The following PKNOX2 variants were observed in gnomAD, a reference collection of about 807,000 sequenced individuals.
PKNOX2 encodes PBX/knotted 1 homeobox 2, also known as homeobox protein PKNOX2.
In PKNOX2, 14 loss-of-function variants were observed where a neutral mutation model predicts 53.1. That is an observed-to-expected ratio of 0.26 (90% CI 0.17 to 0.41). The LOEUF is 0.41. Ranked by LOEUF, PKNOX2 falls within the 10% of genes least tolerant of loss-of-function variation. The probability of loss-of-function intolerance (pLI) is 1.00; values close to 1 mark genes in which losing one functional copy is unlikely to be tolerated. For missense variants in PKNOX2, 496 were observed against 602.8 expected (o/e 0.82, Z 1.85); for synonymous variants, 257 against 242.8 (o/e 1.06, Z -0.54).
At position 125,206,087 on chromosome 11, in the gene PKNOX2, A is replaced by T. The variant is rs559853906; in HGVS notation, c.-200-28958A>T. ...ATGGAGCTCAGCTCAGTGCATATTT[A>T]TGGGGCACTCACTGTGTTCCAGGCA... On this transcript the variant is annotated intron_variant, in intron 1 of 12. Transcript: ENST00000298282. 1.7e-3 allele frequency among the ~76,000 whole-genome samples: 263 copies of T among 152,042 alleles called. 3 individuals carry two copies. The highest frequency in any genetic ancestry group is 0.012 in the South Asian group (59 of 4,792).
intron 5 of PKNOX2, among the ~76,000 whole-genome samples, chr11:125,384,885 T>A (rs1184617346): frequency 1.3e-5 from 2 of 151,876 alleles, no homozygotes; most frequent in Admixed American, 6.6e-5. Flanking sequence ...TCAGGTAGAG[T>A]CTCAGAGGGA....
intron 2 of PKNOX2, among the ~76,000 whole-genome samples, chr11:125,274,170 T>G (rs12798228): frequency 0.012 from 1,893 of 152,348 alleles, 27 homozygotes; most frequent in Non-Finnish European, 0.02. Flanking sequence ...TAAGGCTTAT[T>G]ATTATCCTAC....
chr11:125,259,179 T>G (rs1240136580), intron 2 of PKNOX2: 1 of 153,126 alleles, frequency 6.5e-6, no homozygotes, highest in African/African-American at 2.4e-5. Context: ...TTCTTCAAAA[T>G]CCTAGGGTCT....
intron 4 of PKNOX2, among the ~76,000 whole-genome samples, chr11:125,362,740 C>T (rs1453292040): frequency 6.6e-6 from 1 of 152,130 alleles, no homozygotes; most frequent in Non-Finnish European, 1.5e-5. Flanking sequence ...AAAGATGGTG[C>T]TTAACAGAAA....
Position 125,430,577 on chromosome 11 carries a change from G to A in PKNOX2, c.1192+436G>A, listed in dbSNP as rs76418322. On this transcript the variant is annotated intron_variant, in intron 12 of 12. Transcript: ENST00000298282. ...ATATACACTTTTCTAATTGCCAGTC[G>A]CCTAGTGCACAATGAATAATTCAAT... Among the ~76,000 whole-genome samples the A allele has an allele frequency of 6.6e-3, 1,005 of 152,224 alleles. 14 individuals are homozygous for A. The highest frequency in any genetic ancestry group is 0.022 in the African/African-American group (922 of 41,528).
intron 2 of PKNOX2, among the ~76,000 whole-genome samples, chr11:125,302,159 G>T (rs1408899938): frequency 1.3e-5 from 2 of 152,194 alleles, no homozygotes; most frequent in Admixed American, 1.3e-4. Flanking sequence ...ATCTGGGTGG[G>T]GCCTGGAAGG....
At chr11:125,213,011 A>G (rs1940053128) in intron 1 of PKNOX2, among the ~76,000 whole-genome samples, 1 of 151,764 alleles carries the variant, frequency 6.6e-6, no homozygotes, top group Non-Finnish European at 1.5e-5. Flanking sequence ...AAATAGGACA[A>G]TTTTCCCTGA....
chr11:125,222,710 T>C (rs1941313532), intron 1 of PKNOX2, among the ~76,000 whole-genome samples: 1 of 147,620 alleles, frequency 6.8e-6, no homozygotes, highest in African/African-American at 2.5e-5. Flanking sequence ...GTGTGTGTGC[T>C]GTGTATGTGT....
intron 8 of PKNOX2, 111 bp from the exon 9 acceptor site, chr11:125,410,668 C>A: frequency 1.2e-6 from 1 of 811,648 alleles, no homozygotes; most frequent in South Asian, 1.6e-5. Context: ...TACCCAAGGG[C>A]TCCAAGTAGA....
intron 1 of PKNOX2, among the ~76,000 whole-genome samples, chr11:125,188,876 G>A (rs990052448): frequency 6.6e-6 from 1 of 151,414 alleles, no homozygotes; most frequent in African/African-American, 2.4e-5. Flanking sequence ...TTCTTTTAAA[G>A]TGTGAGCATG....
At position 125,167,496 on chromosome 11, in the gene PKNOX2, C is replaced by A. The variant is rs1408566233; in HGVS notation, c.-201+2720C>A. On this transcript the variant is annotated intron_variant, in intron 1 of 12. Coordinates refer to ENST00000298282, the MANE Select transcript of PKNOX2 (RefSeq NM_001382323.2). ...GACCCCACGGAGACTCCCTGGTCAC[C>A]GCCTCCCCTTTGTGAGCGGGAAAGG... is the stretch of plus-strand genomic sequence containing the variant. Among the ~76,000 whole-genome samples the A allele has an allele frequency of 3.9e-5, 6 of 152,142 alleles. No individual in the cohort carries two copies. In the South Asian group the frequency reaches 1.0e-3, roughly 26 times the overall value.
intron 2 of PKNOX2, among the ~76,000 whole-genome samples, chr11:125,288,378 G>A (rs7104909): frequency 0.054 from 8,289 of 152,232 alleles, 727 homozygotes; most frequent in African/African-American, 0.19. Flanking sequence ...CCTCCCAGAT[G>A]TTCTGATGTG....
intron 5 of PKNOX2, among the ~76,000 whole-genome samples, chr11:125,382,646 C>T (rs1820608973): frequency 6.6e-6 from 1 of 152,212 alleles, no homozygotes; most frequent in South Asian, 2.1e-4. Flanking sequence ...CACTGCAGGG[C>T]TCTGCTTAAA....
intron 1 of PKNOX2, among the ~76,000 whole-genome samples, chr11:125,171,547 A>G (rs1384449195): frequency 6.6e-6 from 1 of 152,150 alleles, no homozygotes; most frequent in Non-Finnish European, 1.5e-5. Context: ...AGCTCACAGG[A>G]CTGTTGAGGG....
intron 2 of PKNOX2, among the ~76,000 whole-genome samples, chr11:125,315,303 G>GAAAAAAAAAAAAAAAAAAAAAAAA (rs534448203): frequency 2.8e-4 from 22 of 79,442 alleles, no homozygotes; most frequent in Non-Finnish European, 4.7e-4. Flanking sequence ...TGTGAAGCAG[G>GAAAAAAAAAAAAAAAAAAAAAAAA]AAAAAAAAAA....
intron 7 of PKNOX2, among the ~76,000 whole-genome samples, chr11:125,406,801 GCT>G (rs1447267113): frequency 6.6e-6 from 1 of 151,280 alleles, no homozygotes. Context: ...CGTGGTGAAA[GCT>G]CTCTCATACT....
chr11:125,222,809 GTA>G (rs1392160192), intron 1 of PKNOX2, among the ~76,000 whole-genome samples: 6 of 151,968 alleles, frequency 3.9e-5, no homozygotes, highest in Admixed American at 1.3e-4. Flanking sequence ...GTGTGCGTGT[GTA>G]TGTGTGTGTG....
At chr11:125,266,798 T>C (rs187361495) in intron 2 of PKNOX2, 40 of 152,366 alleles carry the variant, frequency 2.6e-4, no homozygotes, top group African/African-American at 9.6e-4. Context: ...AGGACGGGAC[T>C]CACGGCTTCT....
intron 2 of PKNOX2, among the ~76,000 whole-genome samples, chr11:125,305,666 C>A (rs747751958): frequency 7.2e-5 from 11 of 152,168 alleles, no homozygotes; most frequent in Non-Finnish European, 1.6e-4. Context: ...TGGTCAGGAG[C>A]TAACCAGTGC....
Sources: gnomAD v4.1 joint callset for allele counts (sites outside exome capture counted in the v4.1 genomes callset) on GRCh38, gnomAD v4.1.1 for gene constraint, MANE v1.5 for transcripts, NCBI Gene and HGNC (gene_info 2026-07-23, HGNC 2026-07-21) for gene names.